The following PCDH11X variants were observed in gnomAD, a reference collection of about 807,000 sequenced individuals.
PCDH11X encodes protocadherin 11 X-linked, also known as protocadherin-11 X-linked.
A neutral mutation model predicts 53.3 loss-of-function variants in PCDH11X; 18 were observed. That is an observed-to-expected ratio of 0.34 (90% CI 0.23 to 0.50). The LOEUF is 0.50. PCDH11X is among the 20% of genes least tolerant of loss of function. The probability of loss-of-function intolerance (pLI) is 0.98; values close to 1 mark genes in which losing one functional copy is unlikely to be tolerated. For synonymous variants in PCDH11X, 279 were observed against 393.3 expected, an observed-to-expected ratio of 0.71 and a Z score of 3.44; for missense variants, 570 against 1,032.4, an observed-to-expected ratio of 0.55 and a Z score of 6.14.
chrX:92,581,230 G>C, intron 10 of PCDH11X, among the ~76,000 whole-genome samples: 1 of 111,785 alleles, frequency 8.9e-6, no homozygotes, highest in East Asian at 2.8e-4. Context: ...CAAAACTATA[G>C]AATATGCACC....
intron 9 of PCDH11X, among the ~76,000 whole-genome samples, chrX:92,427,033 T>A (rs1262786441): frequency 9.1e-6 from 1 of 109,732 alleles, no homozygotes; most frequent in Non-Finnish European, 1.9e-5. Context: ...TCCCCTTCAC[T>A]CCCTGCCTTT....
chrX:91,875,449 AT>A (rs547202071), intron 5 of PCDH11X, among the ~76,000 whole-genome samples: 156 of 99,804 alleles, frequency 1.6e-3, no homozygotes, highest in Middle Eastern at 0.015. Flanking sequence ...CGCCAGGCTA[AT>A]TTTTTTTTTT....
chrX:91,834,889 C>A (rs1937238199), intron 4 of PCDH11X: 2 of 557,707 alleles, frequency 3.6e-6, no homozygotes, highest in Middle Eastern at 1.1e-3. Context: ...CCCCTCTCCT[C>A]TCCCAAACTT....
At chrX:92,077,570 T>C (rs1328541146) in intron 6 of PCDH11X, among the ~76,000 whole-genome samples, 14 of 109,160 alleles carry the variant, frequency 1.3e-4, no homozygotes, top group African/African-American at 3.3e-5. Flanking sequence ...ACAGCAGGCC[T>C]CATTCCTGTT....
At chrX:92,416,300 G>GA (rs2071808990) in intron 9 of PCDH11X, among the ~76,000 whole-genome samples, 1 of 109,733 alleles carries the variant, frequency 9.1e-6, no homozygotes. Context: ...TGTACATTTT[G>GA]AAAAAAACTG....
At position 91,784,575 on chromosome X, in the gene PCDH11X, A is replaced by G. The variant is rs1935267627; in HGVS notation, c.-379+4891A>G. Among the ~76,000 whole-genome samples the G allele has an allele frequency of 2.7e-5, 3 of 111,577 alleles. 1 individual carries two copies. In the Admixed American group the frequency reaches 2.8e-4, roughly 11 times the overall value. On this transcript the variant is annotated intron_variant, in intron 1 of 10. Coordinates refer to ENST00000682573, the MANE Select transcript of PCDH11X (RefSeq NM_032968.5). ...ATCTTCACCTCACCCCATTTTCTAC[A>G]CACATCCCTGCATCATCTCTGAACC...
intron 6 of PCDH11X, among the ~76,000 whole-genome samples, chrX:92,115,180 A>C (rs2064611764): frequency 9.1e-6 from 1 of 110,470 alleles, no homozygotes. Context: ...TGACCTCTCT[A>C]TCCATTGATC....
At chrX:91,888,674 T>C (rs1381719889) in intron 6 of PCDH11X, among the ~76,000 whole-genome samples, 1 of 111,167 alleles carries the variant, frequency 9.0e-6, no homozygotes, top group East Asian at 2.8e-4. Flanking sequence ...AAAATTTTTT[T>C]AAATAAATAA....
At chrX:91,972,506 G>T (rs1194819209) in intron 6 of PCDH11X, among the ~76,000 whole-genome samples, 3 of 109,612 alleles carry the variant, frequency 2.7e-5, no homozygotes, top group African/African-American at 1.0e-4. Flanking sequence ...TGGTGTTTTG[G>T]ACATGAAGCC....
At chrX:92,438,861 T>C (rs1271394350) in intron 9 of PCDH11X, among the ~76,000 whole-genome samples, 14 of 111,305 alleles carry the variant, frequency 1.3e-4, no homozygotes, top group Non-Finnish European at 2.6e-4. Flanking sequence ...ATGAAAGTTG[T>C]ACTGAACAGA....
At position 92,018,915 on chromosome X, in the gene PCDH11X, A is replaced by G. The variant is rs1449794209; in HGVS notation, c.3033+139642A>G. On this transcript the variant is annotated intron_variant, in intron 6 of 10. Transcript: ENST00000682573. Reference sequence around the variant, plus strand: ...ACTATGAATCCTGGGCACATACAACACATACAATCTTTCCAGGAGCTACAC... The same window carrying G: ...ACTATGAATCCTGGGCACATACAACGCATACAATCTTTCCAGGAGCTACAC... 1.4e-4 allele frequency among the ~76,000 whole-genome samples: 16 copies of G among 112,661 alleles called. 1 individual carries two copies. The highest frequency in any genetic ancestry group is 1.1e-3 in the Admixed American group (12 of 10,563).
chrX:91,927,782 A>G (rs1276714415), intron 6 of PCDH11X, among the ~76,000 whole-genome samples: 1 of 111,336 alleles, frequency 9.0e-6, no homozygotes, highest in Non-Finnish European at 1.9e-5. Context: ...GGGGAAAAAA[A>G]TCATTCTGAA....
At chrX:91,788,932 G>A (rs1201380255) in intron 1 of PCDH11X, among the ~76,000 whole-genome samples, 2 of 111,759 alleles carry the variant, frequency 1.8e-5, no homozygotes, top group Admixed American at 9.5e-5. Flanking sequence ...GGTCGCAGCG[G>A]CTCACGCCTG....
intron 10 of PCDH11X, among the ~76,000 whole-genome samples, chrX:92,570,381 A>G (rs1331413260): frequency 4.5e-5 from 5 of 112,100 alleles, no homozygotes; most frequent in Non-Finnish European, 7.5e-5. Flanking sequence ...TGTTTTGTTT[A>G]ACATAAATTA....
intron 6 of PCDH11X, among the ~76,000 whole-genome samples, chrX:92,020,844 G>A (rs1171108828): frequency 9.0e-6 from 1 of 111,289 alleles, no homozygotes; most frequent in Non-Finnish European, 1.9e-5. Context: ...GGAGGAGCAT[G>A]CACCCATCTT....
intron 7 of PCDH11X, among the ~76,000 whole-genome samples, chrX:92,213,742 A>C (rs767215384): frequency 2.7e-5 from 3 of 112,011 alleles, no homozygotes; most frequent in Non-Finnish European, 3.8e-5. Context: ...CTTGGACTAC[A>C]AAATATTGGC....
At chrX:91,798,606 A>G (rs777773315) in intron 1 of PCDH11X, among the ~76,000 whole-genome samples, 1 of 110,002 alleles carries the variant, frequency 9.1e-6, no homozygotes, top group Non-Finnish European at 1.9e-5. Context: ...AAAAAAAATC[A>G]GTAGAATCAC....
rs749543945 is a variant in PCDH11X, at chrX:91,991,903, G to A, written c.3033+112630G>A. Among the ~76,000 whole-genome samples the A allele has an allele frequency of 2.7e-5, 3 of 109,186 alleles. No homozygotes were observed. The South Asian group carries it at 1.2e-3, about 43-fold the overall frequency. The allele number at this position is 109,186 out of a possible 115,157, so 94.8% of individuals were successfully genotyped here. ...TTGTCTATTCCTTTGAATTTAGAAG[G>A]AACATTTTTGAAATTAATTTTTTCT... is the stretch of plus-strand genomic sequence containing the variant. On this transcript the variant is annotated intron_variant, in intron 6 of 10. Coordinates refer to ENST00000682573, the MANE Select transcript of PCDH11X (RefSeq NM_032968.5).
intron 7 of PCDH11X, among the ~76,000 whole-genome samples, chrX:92,217,120 G>A (rs1235779547): frequency 1.4e-4 from 15 of 110,614 alleles, no homozygotes; most frequent in Non-Finnish European, 2.1e-4. Flanking sequence ...AAAGACCATC[G>A]AGGCTAGGAA....
Sources: gnomAD v4.1 joint callset for allele counts (sites outside exome capture counted in the v4.1 genomes callset) on GRCh38, gnomAD v4.1.1 for gene constraint, MANE v1.5 for transcripts, NCBI Gene and HGNC (gene_info 2026-07-23, HGNC 2026-07-21) for gene names.